DENND2B: variants seen among roughly 807,000 people sequenced by gnomAD.
DENND2B encodes DENN domain-containing protein 2B.
A neutral mutation model predicts 116.0 loss-of-function variants in DENND2B; 32 were observed. That is an observed-to-expected ratio of 0.28 (90% CI 0.21 to 0.37). The LOEUF is 0.37. Among genes scored for constraint, DENND2B ranks in the 10% least tolerant of loss-of-function variants. The probability of loss-of-function intolerance (pLI) is 1.00; values close to 1 mark genes in which losing one functional copy is unlikely to be tolerated. For synonymous variants in DENND2B, 588 were observed against 583.9 expected (o/e 1.01, Z -0.10); for missense variants, 1,276 against 1,477.7 (o/e 0.86, Z 2.24).
At chr11:8,834,418 T>G (rs1193390767) in intron 4 of DENND2B, among the ~76,000 whole-genome samples, 2 of 152,216 alleles carry the variant, frequency 1.3e-5, no homozygotes, top group Non-Finnish European at 2.9e-5. Flanking sequence ...AGGAGATAAC[T>G]CCACTAACCC....
At chr11:8,831,618 T>G (rs534454952) in intron 4 of DENND2B, 1 of 152,074 alleles carries the variant, frequency 6.6e-6, no homozygotes, top group African/African-American at 2.4e-5. Context: ...TCCCAGCACG[T>G]TGGGAGGCTG....
At chr11:8,804,547 CT>C (rs58169547) in intron 1 of DENND2B, among the ~76,000 whole-genome samples, 9 of 129,602 alleles carry the variant, frequency 6.9e-5, no homozygotes, top group African/African-American at 1.4e-4. Context: ...GCAGCTACTT[CT>C]TTTTTTTTTT....
intron 3 of DENND2B, among the ~76,000 whole-genome samples, chr11:8,856,790 G>A (rs973413406): frequency 6.8e-6 from 1 of 147,312 alleles, no homozygotes; most frequent in African/African-American, 2.5e-5. Context: ...GGTCTTGACT[G>A]TCACCCAGGC....
At chr11:8,771,560 A>AGAGC (rs1555183116) in intron 1 of DENND2B, 7 of 149,608 alleles carry the variant, frequency 4.7e-5, no homozygotes, top group Admixed American at 2.7e-4. Flanking sequence ...AGAGAGAGAG[A>AGAGC]GAGAGAGCCT....
intron 10 of DENND2B, 30 bp from the exon 11 acceptor site, chr11:8,710,944 AG>A (rs774251967): frequency 6.2e-7 from 1 of 1,612,902 alleles, no homozygotes; most frequent in Admixed American, 1.7e-5. Flanking sequence ...GGCATCAGGG[AG>A]GTGTGAGAGG....
intron 4 of DENND2B, among the ~76,000 whole-genome samples, chr11:8,838,288 T>C (rs1159192550): frequency 2.0e-5 from 3 of 152,102 alleles, no homozygotes. Flanking sequence ...CACCATGAAA[T>C]AAGTTCCCCT....
At chr11:8,767,525 T>C (rs1236102733) in intron 1 of DENND2B, among the ~76,000 whole-genome samples, 4 of 152,222 alleles carry the variant, frequency 2.6e-5, no homozygotes, top group Non-Finnish European at 5.9e-5. Context: ...ACAAGGACTG[T>C]GTTGTTCATC....
chr11:8,820,019 G>A (rs546969381), intron 4 of DENND2B, among the ~76,000 whole-genome samples: 2 of 152,202 alleles, frequency 1.3e-5, no homozygotes, highest in South Asian at 4.1e-4. Context: ...TTAAAGATAA[G>A]TAAATAAAAG....
intron 1 of DENND2B, among the ~76,000 whole-genome samples, chr11:8,759,816 C>A (rs1422564474): frequency 1.3e-5 from 2 of 152,242 alleles, no homozygotes; most frequent in East Asian, 3.9e-4. Flanking sequence ...GGGCCCTGGC[C>A]AAGGACATGA....
At chr11:8,747,156 C>T (rs532895011) in intron 2 of DENND2B, among the ~76,000 whole-genome samples, 3 of 152,288 alleles carry the variant, frequency 2.0e-5, no homozygotes, top group East Asian at 1.9e-4. Context: ...ATGGCTTCTA[C>T]GTGCCAGGCA....
chr11:8,904,794 T>C (rs1414507295), intron 1 of DENND2B, among the ~76,000 whole-genome samples: 1 of 152,122 alleles, frequency 6.6e-6, no homozygotes, highest in Non-Finnish European at 1.5e-5. Context: ...GAAAATGAAA[T>C]TGAGAAAACA....
intron 2 of DENND2B, among the ~76,000 whole-genome samples, chr11:8,863,155 ATAAG>A (rs750393909): frequency 1.8e-4 from 28 of 152,020 alleles, no homozygotes; most frequent in African/African-American, 2.4e-4. Context: ...GTCTCTAAAA[ATAAG>A]TAAGTAAATT....
At chr11:8,850,670 T>C (rs2062973151) in intron 3 of DENND2B, among the ~76,000 whole-genome samples, 1 of 152,234 alleles carries the variant, frequency 6.6e-6, no homozygotes, top group Admixed American at 6.5e-5. Flanking sequence ...ATCTCACTAC[T>C]GAGCATATAT....
chr11:8,730,829 C>A lies in DENND2B; in HGVS notation c.461G>T (p.Arg154Leu). Reference sequence around the variant, plus strand: ...CAGGCTGTGGGCGCGGGTACCGGTACGGGTCAGCAAGACGCCCCGGGGGCC... The same window carrying A: ...CAGGCTGTGGGCGCGGGTACCGGTAAGGGTCAGCAAGACGCCCCGGGGGCC... ...AAGPRGVLLT[R>L]TGTRAHSLGI... is the part of the protein sequence containing the mutation. Residue 154 changes from arginine (R) to leucine (L), a missense_variant, in exon 3 of 20, where the codon CGT becomes CTT. Coordinates refer to ENST00000313726, the MANE Select transcript of DENND2B (RefSeq NM_213618.2). This position sits in a 1 kb window ranked among gnomAD's most constrained non-coding sequence, Gnocchi z 4.1. The A allele has an allele frequency of 6.2e-7, 1 of 1,613,176 alleles. No homozygotes were observed. Among genetic ancestry groups the A allele is most frequent in the South Asian group, 1.1e-5 (1 of 91,082 alleles).
intron 1 of DENND2B, among the ~76,000 whole-genome samples, chr11:8,761,904 G>A (rs1385956905): frequency 6.6e-6 from 1 of 152,134 alleles, no homozygotes; most frequent in Non-Finnish European, 1.5e-5. Flanking sequence ...ACAATGAGAA[G>A]CCATCTACAA....
At chr11:8,811,577 C>G, upstream of DENND2B, 1 of 370,782 alleles carries the variant, frequency 2.7e-6, no homozygotes, top group Non-Finnish European at 4.8e-6. Context: ...AGTCCCATCC[C>G]CATCCCCATC....
chr11:8,709,402 G>A (rs892833540), intron 11 of DENND2B, among the ~76,000 whole-genome samples: 3 of 152,214 alleles, frequency 2.0e-5, no homozygotes, highest in African/African-American at 7.2e-5. Context: ...AGCACGCCAG[G>A]ACAAACACGC....
chr11:8,872,553 AC>A (rs1477087558), upstream of DENND2B, among the ~76,000 whole-genome samples: 1 of 152,108 alleles, frequency 6.6e-6, no homozygotes, highest in African/African-American at 2.4e-5. Context: ...AAGATCGAAC[AC>A]AAGTAATGGC....
rs372892251 is a variant in DENND2B at position 8,801,354 on chromosome 11, G to A, written c.-26+9163C>T. 2.2e-4 allele frequency among the ~76,000 whole-genome samples: 33 copies of A among 152,162 alleles called. 1 individual carries two copies. The highest frequency in any genetic ancestry group is 7.5e-4 in the African/African-American group (31 of 41,506). On this transcript the variant is annotated intron_variant, in intron 1 of 19. Coordinates refer to ENST00000313726, the MANE Select transcript of DENND2B (RefSeq NM_213618.2). ...GGATAGGGCCTTGCATTTCTCAGCA[G>A]AACAAACCCAACAGACAAGCCACAA...
Sources: allele counts gnomAD v4.1 joint callset (sites outside exome capture counted in the v4.1 genomes callset), GRCh38; gene constraint gnomAD v4.1.1; non-coding constraint Gnocchi (gnomAD v3.1); transcripts MANE v1.5; gene names NCBI Gene and HGNC (gene_info 2026-07-23, HGNC 2026-07-21).